Variants in MAPK8 observed in about 807,000 individuals in gnomAD.
MAPK8 encodes the protein JUN N-terminal kinase.
MAPK8 carries 13 observed loss-of-function variants against 52.9 expected under a neutral mutation model. The observed-to-expected ratio is 0.25, with a 90% CI of 0.16 to 0.39. MAPK8 has a LOEUF of 0.39. Ranked by LOEUF, MAPK8 falls within the 10% of genes least tolerant of loss-of-function variation. The pLI, the probability that MAPK8 is intolerant of heterozygous loss-of-function variation, is 1.00. For missense variants in MAPK8, 300 were observed against 519.2 expected (o/e 0.58, Z 4.10); for synonymous variants, 191 against 169.8 (o/e 1.12, Z -0.97).
At chr10:48,389,069 G>C (rs1005038077) in intron 1 of MAPK8, among the ~76,000 whole-genome samples, 2 of 152,144 alleles carry the variant, frequency 1.3e-5, no homozygotes, top group Non-Finnish European at 2.9e-5. Flanking sequence ...AGACAAGTCT[G>C]TTGTTGGAAT....
At chr10:48,348,597 C>G (rs1342760879) in intron 1 of MAPK8, among the ~76,000 whole-genome samples, 1 of 152,184 alleles carries the variant, frequency 6.6e-6, no homozygotes, top group Non-Finnish European at 1.5e-5. Context: ...TTTCAGTTTT[C>G]TGCATATGAC....
chr10:48,321,742 C>G (rs1433861486), intron 1 of MAPK8, among the ~76,000 whole-genome samples: 2 of 152,042 alleles, frequency 1.3e-5, no homozygotes, highest in Non-Finnish European at 2.9e-5. Flanking sequence ...ATGCAGTTGT[C>G]CTAGCTCCAT....
intron 1 of MAPK8, among the ~76,000 whole-genome samples, chr10:48,353,686 G>A (rs1171305308): frequency 3.3e-5 from 5 of 152,134 alleles, no homozygotes; most frequent in Non-Finnish European, 7.3e-5. Flanking sequence ...ATCCTACTCA[G>A]CAATAAGAAG....
At chr10:48,337,008 G>A (rs1844751290) in intron 1 of MAPK8, among the ~76,000 whole-genome samples, 1 of 152,122 alleles carries the variant, frequency 6.6e-6, no homozygotes, top group Non-Finnish European at 1.5e-5. Flanking sequence ...AGGAAAACGA[G>A]ACAACCACAC....
At chr10:48,321,202 A>G (rs1264682862) in intron 1 of MAPK8, among the ~76,000 whole-genome samples, 1 of 148,098 alleles carries the variant, frequency 6.8e-6, no homozygotes, top group Non-Finnish European at 1.5e-5. Context: ...TACACAAATG[A>G]TCCTCCCTCC....
chr10:48,384,989 AAAAG>A (rs3047763), intron 1 of MAPK8, among the ~76,000 whole-genome samples: 5,528 of 152,226 alleles, frequency 0.036, 279 homozygotes, highest in African/African-American at 0.11. Flanking sequence ...TTTAGAGAAA[AAAAG>A]GATGAATCAG....
At chr10:48,386,833 T>C (rs188698333) in intron 1 of MAPK8, among the ~76,000 whole-genome samples, 30 of 152,294 alleles carry the variant, frequency 2.0e-4, no homozygotes, top group Non-Finnish European at 3.5e-4. Flanking sequence ...GCCAGAAACA[T>C]GTACTTACTT....
chr10:48,320,529 A>C (rs1461539200), intron 1 of MAPK8, among the ~76,000 whole-genome samples: 2 of 152,044 alleles, frequency 1.3e-5, no homozygotes, highest in Non-Finnish European at 2.9e-5. Context: ...CATGAACCAC[A>C]GTGCCTGACC....
chr10:48,324,320 C>G (rs1421276984), intron 1 of MAPK8, among the ~76,000 whole-genome samples: 1 of 152,102 alleles, frequency 6.6e-6, no homozygotes, highest in Non-Finnish European at 1.5e-5. Context: ...GGATAGTGTT[C>G]AAATTGATGT....
intron 7 of MAPK8, 50 bp from the exon 8 acceptor site, chr10:48,425,838 A>G (rs764221521): frequency 3.0e-6 from 1 of 336,718 alleles, no homozygotes; most frequent in Non-Finnish European, 4.8e-6. Context: ...AATATGACTA[A>G]TGTATTGAAC....
intron 11 of MAPK8, among the ~76,000 whole-genome samples, chr10:48,434,260 A>C (rs2044641625): frequency 6.6e-6 from 1 of 152,248 alleles, no homozygotes; most frequent in Admixed American, 6.5e-5. Flanking sequence ...TAACTAGGCC[A>C]CTTGAGTGAC....
rs772950768 is a variant in MAPK8 at position 48,399,328 on chromosome 10, A to G, written c.-49-2284A>G. Among the ~76,000 whole-genome samples, 42 of 152,212 alleles carry G rather than the reference A, an allele frequency of 2.8e-4. 1 individual carries two copies. The highest frequency in any genetic ancestry group is 6.2e-4 in the South Asian group (3 of 4,828). On this transcript the variant is annotated intron_variant, in intron 1 of 11. Transcript: ENST00000374189. ...AGGTTTGAATATTGCATGACTGAGT[A>G]TAAGTGAGTAGAGAGTTGTGTGTCT...
At chr10:48,401,479 T>C (rs1004797218) in intron 1 of MAPK8, 133 bp from the exon 2 acceptor site, 2 of 535,568 alleles carry the variant, frequency 3.7e-6, no homozygotes, top group Non-Finnish European at 6.6e-6. Flanking sequence ...TTTTTTCTTA[T>C]GTTTTTTAAT....
chr10:48,360,630 T>C (rs1291536923), intron 1 of MAPK8, among the ~76,000 whole-genome samples: 1 of 152,164 alleles, frequency 6.6e-6, no homozygotes, highest in African/African-American at 2.4e-5. Flanking sequence ...TAGGCCCAAT[T>C]TGTGAACTAC....
intron 1 of MAPK8, among the ~76,000 whole-genome samples, chr10:48,348,794 G>A (rs1219552108): frequency 2.0e-5 from 3 of 152,066 alleles, no homozygotes; most frequent in Non-Finnish European, 4.4e-5. Context: ...CTGTAGCTTT[G>A]TAGTATAGTT....
chr10:48,417,040 T>C (rs2043104090), intron 5 of MAPK8, among the ~76,000 whole-genome samples: 6 of 152,176 alleles, frequency 3.9e-5, no homozygotes, highest in Admixed American at 3.9e-4. Context: ...GATGATGGAA[T>C]GTTTAGTAGC....
chr10:48,391,598 T>G (rs1371920589), intron 1 of MAPK8, among the ~76,000 whole-genome samples: 1 of 152,180 alleles, frequency 6.6e-6, no homozygotes, highest in Admixed American at 6.5e-5. Flanking sequence ...GATCAAATGT[T>G]GCATAGGGGG....
intron 1 of MAPK8, among the ~76,000 whole-genome samples, chr10:48,337,531 C>T (rs1452968624): frequency 6.6e-6 from 1 of 151,908 alleles, no homozygotes; most frequent in Non-Finnish European, 1.5e-5. Flanking sequence ...CTAACATTGC[C>T]CCTAAAGGAA....
At chr10:48,409,360 T>C (rs1589222751) in intron 3 of MAPK8, among the ~76,000 whole-genome samples, 1 of 152,132 alleles carries the variant, frequency 6.6e-6, no homozygotes, top group East Asian at 1.9e-4. Context: ...TGAAAATGAA[T>C]TCAGTGTTAC....
Sources: allele counts gnomAD v4.1 joint callset (sites outside exome capture counted in the v4.1 genomes callset), GRCh38; gene constraint gnomAD v4.1.1; transcripts MANE v1.5; gene names NCBI Gene and HGNC (gene_info 2026-07-23, HGNC 2026-07-21).